Variants in GNG12 observed in about 807,000 individuals in gnomAD.
GNG12 encodes G protein subunit gamma 12.
For synonymous variants in GNG12, 28 were observed against 29.7 expected (o/e 0.94, Z 0.19); for missense variants, 69 against 83.8 (o/e 0.82, Z 0.69).
At chr1:67,796,389 T>C (rs2100790236) in intron 1 of GNG12, among the ~76,000 whole-genome samples, 1 of 152,284 alleles carries the variant, frequency 6.6e-6, no homozygotes, top group South Asian at 2.1e-4. Flanking sequence ...TTTCCATACC[T>C]TTCTTTTAGC....
intron 1 of GNG12, among the ~76,000 whole-genome samples, chr1:67,819,364 T>G (rs1241786487): frequency 6.6e-6 from 1 of 152,206 alleles, no homozygotes; most frequent in East Asian, 1.9e-4. Flanking sequence ...TGAGACAATC[T>G]ACAGTTGTGT....
chr1:67,777,035 A>C (rs1646709737), intron 2 of GNG12: 1 of 152,210 alleles, frequency 6.6e-6, no homozygotes, highest in Non-Finnish European at 1.5e-5. Context: ...GAGAGAAAAA[A>C]AATAGAGCAA....
chr1:67,770,245 T>C (rs750312319), intron 2 of GNG12, among the ~76,000 whole-genome samples: 1 of 152,168 alleles, frequency 6.6e-6, no homozygotes, highest in Non-Finnish European at 1.5e-5. Flanking sequence ...TAAGATTCTT[T>C]GGTAATGCTC....
intron 2 of GNG12, among the ~76,000 whole-genome samples, chr1:67,774,751 T>C (rs761689105): frequency 2.6e-5 from 4 of 152,206 alleles, no homozygotes; most frequent in Admixed American, 6.5e-5. Flanking sequence ...CTCTAGAACC[T>C]TGGGCTTGAC....
At chr1:67,713,261 G>GATAACACTC (rs1264615230) in intron 2 of GNG12, among the ~76,000 whole-genome samples, 1 of 152,188 alleles carries the variant, frequency 6.6e-6, no homozygotes, top group Non-Finnish European at 1.5e-5. Context: ...CTGCCAGTCG[G>GATAACACTC]ATAACACTCT....
chr1:67,750,829 T>TCC (rs1033086617), intron 2 of GNG12, among the ~76,000 whole-genome samples: 9 of 152,314 alleles, frequency 5.9e-5, no homozygotes, highest in Admixed American at 5.2e-4. Flanking sequence ...CAGGATAAAC[T>TCC]CTAGTTCTTT....
chr1:67,771,935 C>T (rs1456737520), intron 2 of GNG12, among the ~76,000 whole-genome samples: 1 of 152,204 alleles, frequency 6.6e-6, no homozygotes, highest in East Asian at 1.9e-4. Flanking sequence ...GCAACATGCT[C>T]AGCCACTGAT....
At chr1:67,758,896 G>C (rs1419593770) in intron 2 of GNG12, among the ~76,000 whole-genome samples, 1 of 152,138 alleles carries the variant, frequency 6.6e-6, no homozygotes, top group Non-Finnish European at 1.5e-5. Flanking sequence ...GAAGGGAAGG[G>C]GGGGATGAAA....
At chr1:67,705,717 C>A in intron 3 of GNG12, 141 bp from the exon 4 acceptor site, 1 of 1,357,962 alleles carries the variant, frequency 7.4e-7, no homozygotes, top group Non-Finnish European at 9.6e-7. Flanking sequence ...CTCTCAGATT[C>A]TTGTCAGGTA....
At chr1:67,742,153 C>A (rs992170531) in intron 2 of GNG12, among the ~76,000 whole-genome samples, 1 of 152,206 alleles carries the variant, frequency 6.6e-6, no homozygotes, top group African/African-American at 2.4e-5. Flanking sequence ...GGTGAACCGG[C>A]AGATTCTCTA....
intron 2 of GNG12, among the ~76,000 whole-genome samples, chr1:67,743,101 T>TA (rs1343025344): frequency 6.6e-6 from 1 of 152,196 alleles, no homozygotes; most frequent in Non-Finnish European, 1.5e-5. Flanking sequence ...GACTGCTTAG[T>TA]AAAAAATTCA....
chr1:67,769,636 G>GT lies in GNG12; in HGVS notation c.-27+7821dup, dbSNP rs1335951288. Among the ~76,000 whole-genome samples, 5 of 152,318 alleles carry GT rather than the reference G, an allele frequency of 3.3e-5. No individual in the cohort carries two copies. The East Asian group carries it at 7.7e-4, about 23-fold the overall frequency. On this transcript the variant is annotated intron_variant, in intron 2 of 3. Coordinates refer to ENST00000370982, the MANE Select transcript of GNG12 (RefSeq NM_018841.6). ...TTCTGCTGGAGTTATACAGGTGCAC[G>GT]TTGGTATGCAGGTAGAGGAAACCCA...
intron 2 of GNG12, among the ~76,000 whole-genome samples, chr1:67,742,622 A>C (rs72922775): frequency 6.6e-6 from 1 of 152,172 alleles, no homozygotes; most frequent in African/African-American, 2.4e-5. Context: ...GGCAAAAAAC[A>C]GTGTGTATAA....
At chr1:67,782,667 T>A (rs530280169) in intron 1 of GNG12, among the ~76,000 whole-genome samples, 57 of 152,290 alleles carry the variant, frequency 3.7e-4, no homozygotes, top group Admixed American at 1.1e-3. Flanking sequence ...GTATAAATTT[T>A]AAAAAAATAC....
At chr1:67,789,831 C>G (rs1370467471) in intron 1 of GNG12, among the ~76,000 whole-genome samples, 2 of 152,150 alleles carry the variant, frequency 1.3e-5, no homozygotes, top group Non-Finnish European at 2.9e-5. Flanking sequence ...GAGAAGTGCT[C>G]CTCAGGTGAG....
intron 1 of GNG12, among the ~76,000 whole-genome samples, chr1:67,792,887 T>C (rs1646809682): frequency 6.6e-6 from 1 of 152,214 alleles, no homozygotes; most frequent in Non-Finnish European, 1.5e-5. Context: ...CCAGTATTGG[T>C]GCTTTTCAGA....
chr1:67,734,722 G>GCTCCAGCAATC (rs1553155603), intron 2 of GNG12, among the ~76,000 whole-genome samples: 5 of 152,150 alleles, frequency 3.3e-5, no homozygotes, highest in African/African-American at 1.2e-4. Context: ...GAACTCCTGA[G>GCTCCAGCAATC]CTCCAGCAAT....
chr1:67,783,399 T>A (rs1464981165), intron 1 of GNG12, among the ~76,000 whole-genome samples: 1 of 152,154 alleles, frequency 6.6e-6, no homozygotes, highest in African/African-American at 2.4e-5. Context: ...TAAAAGGGTT[T>A]TTATTAGCAT....
intron 1 of GNG12, among the ~76,000 whole-genome samples, chr1:67,822,159 G>A (rs1570576526): frequency 6.6e-6 from 1 of 152,000 alleles, no homozygotes; most frequent in South Asian, 2.1e-4. Context: ...GGCCGCATGC[G>A]CCCTGCATTA....
Sources: allele counts gnomAD v4.1 joint callset (sites outside exome capture counted in the v4.1 genomes callset), GRCh38; gene constraint gnomAD v4.1.1; transcripts MANE v1.5; gene names NCBI Gene and HGNC (gene_info 2026-07-23, HGNC 2026-07-21).